Variants in APP observed in about 807,000 individuals in gnomAD.
APP encodes amyloid-beta precursor protein.
Under a neutral mutation model 101.4 loss-of-function variants are expected in APP, and 31 were observed. That is an observed-to-expected ratio of 0.31 (90% CI 0.23 to 0.41). APP has a LOEUF of 0.41. Ranked by LOEUF, APP falls within the 10% of genes least tolerant of loss-of-function variation. APP has a pLI of 1.00. For synonymous variants in APP, 366 were observed against 364.4 expected (o/e 1.00, Z -0.05); for missense variants, 839 against 1,003.7 (o/e 0.84, Z 2.22).
At position 25,994,694 on chromosome 21, in the gene APP, T is replaced by G. The variant is rs146481409; in HGVS notation, c.1090+2666A>C. Among the ~76,000 whole-genome samples, 172 of 152,298 alleles carry G rather than the reference T, an allele frequency of 1.1e-3. 1 individual carries two copies. Among genetic ancestry groups the G allele is most frequent in the African/African-American group, 4.0e-3 (165 of 41,568 alleles). On this transcript the variant is annotated intron_variant, in intron 8 of 17. Transcript: ENST00000346798. ...GAAATATCATCCAACTGGCTCTAGA[T>G]TGTTGAAGGAGCAAAGTCAAGTCCA... is the stretch of plus-strand genomic sequence containing the variant.
At chr21:25,987,878 C>T (rs1206671932) in intron 8 of APP, among the ~76,000 whole-genome samples, 3 of 152,188 alleles carry the variant, frequency 2.0e-5, no homozygotes, top group Non-Finnish European at 4.4e-5. Flanking sequence ...CATGAAGGCC[C>T]TGATCCTGGT....
intron 14 of APP, among the ~76,000 whole-genome samples, chr21:25,910,186 G>A (rs779714595): frequency 1.1e-5 from 1 of 88,154 alleles, no homozygotes; most frequent in Non-Finnish European, 2.2e-5. Context: ...GAGTGCAGTG[G>A]TGTGATCTCA....
At position 25,884,166 on chromosome 21, in the gene APP, G is replaced by A. The variant is rs925418807; in HGVS notation, c.2212-2395C>T. ...AGCACTAGGACTACAGGCATGAGCCGCCATGGCCATGTGCCCCGATTCTTA... is the reference window on the plus strand; with the variant it reads ...AGCACTAGGACTACAGGCATGAGCCACCATGGCCATGTGCCCCGATTCTTA... On this transcript the variant is annotated intron_variant, in intron 17 of 17. Transcript: ENST00000346798. Among the ~76,000 whole-genome samples the A allele has an allele frequency of 2.0e-5, 3 of 152,162 alleles. 1 individual carries two copies. The highest frequency in any genetic ancestry group is 7.2e-5 in the African/African-American group (3 of 41,436).
At chr21:25,928,037 A>G (rs1046331383) in intron 13 of APP, among the ~76,000 whole-genome samples, 8 of 152,108 alleles carry the variant, frequency 5.3e-5, no homozygotes, top group Non-Finnish European at 7.4e-5. Flanking sequence ...CAGGAACTTA[A>G]AGTAGAGACT....
Position 26,084,832 on chromosome 21 carries a change from A to G in APP, c.355+5111T>C, listed in dbSNP as rs1601420088. 2.0e-5 allele frequency among the ~76,000 whole-genome samples: 3 copies of G among 152,244 alleles called. No individual in the cohort carries two copies. In the South Asian group the frequency reaches 6.2e-4, roughly 31 times the overall value. ...GGCATCATGGTGTTTTCAAAACTAAAGTGTATTTTCCCATACTGTATGTAT... is the reference window on the plus strand; with the variant it reads ...GGCATCATGGTGTTTTCAAAACTAAGGTGTATTTTCCCATACTGTATGTAT... On this transcript the variant is annotated intron_variant, in intron 3 of 17. Coordinates refer to ENST00000346798, the MANE Select transcript of APP (RefSeq NM_000484.4).
chr21:25,888,261 T>C (rs1485758774), intron 17 of APP, among the ~76,000 whole-genome samples: 1 of 152,132 alleles, frequency 6.6e-6, no homozygotes, highest in African/African-American at 2.4e-5. Context: ...AGGAAGAGGA[T>C]GTTGCAGAAG....
intron 1 of APP, among the ~76,000 whole-genome samples, chr21:26,152,717 T>C (rs1363210681): frequency 6.6e-6 from 1 of 152,214 alleles, no homozygotes; most frequent in African/African-American, 2.4e-5. Flanking sequence ...GTACCACCTC[T>C]ATGGAAAACA....
chr21:26,122,237 G>A (rs1342972618), intron 1 of APP, among the ~76,000 whole-genome samples: 4 of 152,166 alleles, frequency 2.6e-5, no homozygotes, highest in East Asian at 1.9e-4. Context: ...GGTAGTTAGC[G>A]GGATTTCCAG....
At chr21:25,973,839 C>T (rs1456683186) in intron 11 of APP, among the ~76,000 whole-genome samples, 1 of 149,756 alleles carries the variant, frequency 6.7e-6, no homozygotes, top group Non-Finnish European at 1.5e-5. Flanking sequence ...ACTTGGGAGG[C>T]TGAGGCATGA....
chr21:25,921,213 G>C (rs1036553968), intron 13 of APP, among the ~76,000 whole-genome samples: 12 of 116,412 alleles, frequency 1.0e-4, no homozygotes, highest in Middle Eastern at 3.8e-3. Flanking sequence ...AGAATCTCTG[G>C]GACGCATTCA....
At chr21:25,906,728 G>A (rs549442318) in intron 14 of APP, among the ~76,000 whole-genome samples, 2 of 152,274 alleles carry the variant, frequency 1.3e-5, no homozygotes, top group African/African-American at 4.8e-5. Context: ...GTAAAATGCA[G>A]TTAGTTGAAA....
Position 26,015,277 on chromosome 21 carries a change from C to T in APP, c.865+6563G>A, listed in dbSNP as rs1006655709. 1.6e-4 allele frequency among the ~76,000 whole-genome samples: 25 copies of T among 152,088 alleles called. 1 individual carries two copies. Among genetic ancestry groups the T allele is most frequent in the Admixed American group, 1.5e-3 (23 of 15,282 alleles). ...GATCGGAATGATGATATAACCATAA[C>T]TAAGAGAGCAACTAAGGTTAATTGA... On this transcript the variant is annotated intron_variant, in intron 6 of 17. Coordinates refer to ENST00000346798, the MANE Select transcript of APP (RefSeq NM_000484.4).
rs2062339570 is a variant in APP at position 26,112,130 on chromosome 21, T to A, written c.74A>T (p.Asn25Ile). The A allele has an allele frequency of 6.2e-7, 1 of 1,613,906 alleles. No homozygotes were observed. The highest frequency in any genetic ancestry group is 8.5e-7 in the Non-Finnish European group (1 of 1,179,986). ...ARALEVPTDG[N>I]AGLLAEPQIA... The stretch of plus-strand genomic sequence containing the variant: ...CTGGGGTTCAGCCAGCAGGCCAGCA[T>A]TACCATCAGTGGGTACCTGAAAGAA... The change falls in exon 2 of 18, where the codon AAT (asparagine) becomes ATT (isoleucine). Residue 25 changes from asparagine (N) to isoleucine (I), a missense_variant. Transcript: ENST00000346798.
intron 3 of APP, among the ~76,000 whole-genome samples, chr21:26,066,508 T>TC (rs1238620941): frequency 6.7e-6 from 1 of 149,384 alleles, no homozygotes; most frequent in Non-Finnish European, 1.5e-5. Context: ...CACTCCCCAT[T>TC]CCCCCACCTC....
intron 1 of APP, among the ~76,000 whole-genome samples, chr21:26,150,416 T>C (rs557567766): frequency 6.6e-6 from 1 of 152,220 alleles, no homozygotes; most frequent in South Asian, 2.1e-4. Context: ...TTGTCCTGGG[T>C]CTGCTATTTC....
At position 25,933,400 on chromosome 21, in the gene APP, G is replaced by A. The variant is rs150656712; in HGVS notation, c.1687+21190C>T. On this transcript the variant is annotated intron_variant, in intron 13 of 17. Transcript: ENST00000346798. Reference sequence around the variant, plus strand: ...CTATAGGTGTAAGCCATCGTGCCCAGCCTGTCTTCTTTACGCTAGAAACTT... The same window carrying A: ...CTATAGGTGTAAGCCATCGTGCCCAACCTGTCTTCTTTACGCTAGAAACTT... Among the ~76,000 whole-genome samples the A allele has an allele frequency of 1.5e-3, 234 of 152,328 alleles. 1 individual carries two copies. The highest frequency in any genetic ancestry group is 4.1e-3 in the Admixed American group (62 of 15,300).
At chr21:26,049,128 T>C (rs2045730765) in intron 5 of APP, among the ~76,000 whole-genome samples, 1 of 151,974 alleles carries the variant, frequency 6.6e-6, no homozygotes, top group South Asian at 2.1e-4. Context: ...AGTAGAAAGA[T>C]AGTAACACAT....
At chr21:25,910,266 T>G (rs907057297) in intron 14 of APP, among the ~76,000 whole-genome samples, 19 of 152,114 alleles carry the variant, frequency 1.2e-4, no homozygotes, top group African/African-American at 4.1e-4. Flanking sequence ...TAGCTGGGAC[T>G]ACAGGTGCCC....
chr21:25,988,517 C>T (rs2042726136), intron 8 of APP, among the ~76,000 whole-genome samples: 1 of 151,930 alleles, frequency 6.6e-6, no homozygotes, highest in Non-Finnish European at 1.5e-5. Flanking sequence ...GCCTGACCAA[C>T]ATGGAGAAAC....
Sources: gnomAD v4.1 joint callset for allele counts (sites outside exome capture counted in the v4.1 genomes callset) on GRCh38, gnomAD v4.1.1 for gene constraint, MANE v1.5 for transcripts, NCBI Gene and HGNC (gene_info 2026-07-23, HGNC 2026-07-21) for gene names.